The following PLSCR2 variants were observed in gnomAD, a reference collection of about 807,000 sequenced individuals.
PLSCR2 encodes the protein PL scramblase 2.
PLSCR2 carries 18 observed loss-of-function variants against 25.3 expected under a neutral mutation model. The observed-to-expected ratio is 0.71, with a 90% CI of 0.49 to 1.06. The LOEUF (loss-of-function observed/expected upper bound fraction) is 1.06, where lower values mean the gene tolerates loss of function less well. PLSCR2 is among the 50% of genes least tolerant of loss of function. The pLI is 0.00. For synonymous variants in PLSCR2, 88 were observed against 87.3 expected (o/e 1.01, Z -0.04); for missense variants, 243 against 269.5 (o/e 0.90, Z 0.69).
chr3:146,484,271 C>T (rs775532897), intron 1 of PLSCR2, among the ~76,000 whole-genome samples: 85 of 150,106 alleles, frequency 5.7e-4, no homozygotes, highest in African/African-American at 1.8e-3. Flanking sequence ...ACAAAACCTC[C>T]GACAACTATG....
downstream of PLSCR2, among the ~76,000 whole-genome samples, chr3:146,438,971 T>C (rs977082989): frequency 7.9e-5 from 12 of 152,350 alleles, no homozygotes; most frequent in African/African-American, 2.9e-4. Flanking sequence ...GCAGGCCTGG[T>C]GGTGACAAAA....
At chr3:146,418,369 A>C (rs777908607) in intron 2 of PLSCR2, among the ~76,000 whole-genome samples, 6 of 152,192 alleles carry the variant, frequency 3.9e-5, no homozygotes, top group Non-Finnish European at 8.8e-5. Flanking sequence ...AAATCTCACC[A>C]TGTAAATCTT....
Position 146,470,397 on chromosome 3 carries a change from G to A in PLSCR2, c.-292-10113C>T, listed in dbSNP as rs538392638. Among the ~76,000 whole-genome samples the A allele has an allele frequency of 4.6e-5, 7 of 152,036 alleles. No individual in the cohort carries two copies. In the South Asian group the frequency reaches 1.5e-3, roughly 32 times the overall value. On this transcript the variant is annotated intron_variant, in intron 1 of 8. Transcript: ENST00000336685. ...CCGTCTCTACTAAAAATACAAAAAT[G>A]AGCCAGGTGTGGTGGTGTGCCCCTG...
At chr3:146,480,230 T>C (rs2043081048) in intron 1 of PLSCR2, among the ~76,000 whole-genome samples, 1 of 151,670 alleles carries the variant, frequency 6.6e-6, no homozygotes, top group East Asian at 1.9e-4. Context: ...AAGAAATAAC[T>C]AAGATCAGAG....
At chr3:146,407,043 C>T (rs1057071046) in intron 2 of PLSCR2, among the ~76,000 whole-genome samples, 1 of 152,274 alleles carries the variant, frequency 6.6e-6, no homozygotes, top group South Asian at 2.1e-4. Flanking sequence ...AAGGTGACAA[C>T]CTAGCTTAGT....
intron 5 of PLSCR2, among the ~76,000 whole-genome samples, chr3:146,452,449 A>C (rs1393060054): frequency 6.6e-6 from 1 of 152,190 alleles, no homozygotes; most frequent in African/African-American, 2.4e-5. Flanking sequence ...CATCAAAAGA[A>C]TATATTAAAA....
At chr3:146,443,770 T>C (rs987967736) in intron 6 of PLSCR2, among the ~76,000 whole-genome samples, 1 of 152,018 alleles carries the variant, frequency 6.6e-6, no homozygotes, top group Non-Finnish European at 1.5e-5. Flanking sequence ...ATTTTTGCTC[T>C]GAACTTTATT....
At chr3:146,409,951 G>A (rs148711680) in intron 2 of PLSCR2, among the ~76,000 whole-genome samples, 20 of 152,196 alleles carry the variant, frequency 1.3e-4, no homozygotes, top group African/African-American at 4.8e-4. Flanking sequence ...TAAGATTGAG[G>A]GAGGAGGACT....
intron 6 of PLSCR2, among the ~76,000 whole-genome samples, chr3:146,444,567 T>C (rs952332541): frequency 1.3e-5 from 2 of 152,172 alleles, no homozygotes; most frequent in East Asian, 1.9e-4. Flanking sequence ...TATTGTCTAG[T>C]GTAAGTATAG....
At chr3:146,493,114 T>C (rs2043610352) in intron 1 of PLSCR2, among the ~76,000 whole-genome samples, 1 of 151,748 alleles carries the variant, frequency 6.6e-6, no homozygotes, top group African/African-American at 2.4e-5. Context: ...CAGGAAGAAA[T>C]TGAAATCCTG....
At chr3:146,488,758 G>T (rs1431339973) in intron 1 of PLSCR2, among the ~76,000 whole-genome samples, 1 of 152,118 alleles carries the variant, frequency 6.6e-6, no homozygotes, top group African/African-American at 2.4e-5. Context: ...AGACAGTGTG[G>T]TGACTCCTCA....
At chr3:146,423,909 A>G (rs2039246425) in intron 2 of PLSCR2, among the ~76,000 whole-genome samples, 1 of 152,082 alleles carries the variant, frequency 6.6e-6, no homozygotes. Flanking sequence ...CTTGATGTTA[A>G]CCCAATGTAT....
chr3:146,453,917 C>G, intron 5 of PLSCR2, 85 bp downstream of exon 5: 1 of 1,106,296 alleles, frequency 9.0e-7, no homozygotes, highest in Non-Finnish European at 1.3e-6. Context: ...GTACACAATA[C>G]TAATTTAAGG....
At chr3:146,418,422 T>A (rs945393469) in intron 2 of PLSCR2, among the ~76,000 whole-genome samples, 2 of 152,160 alleles carry the variant, frequency 1.3e-5, no homozygotes, top group Admixed American at 6.6e-5. Flanking sequence ...TGGGTAAAAA[T>A]TTCTCTTCAA....
intron 2 of PLSCR2, among the ~76,000 whole-genome samples, chr3:146,410,089 C>CTTT (rs34516266): frequency 0.011 from 1,583 of 147,940 alleles, 32 homozygotes; most frequent in African/African-American, 0.036. Flanking sequence ...TCAAATTCAG[C>CTTT]TTTTTTTTTT....
intron 6 of PLSCR2, among the ~76,000 whole-genome samples, chr3:146,442,480 C>T (rs2040306406): frequency 6.6e-6 from 1 of 151,962 alleles, no homozygotes; most frequent in Non-Finnish European, 1.5e-5. Flanking sequence ...TGTATGGAAT[C>T]ACAAAAGACC....
chr3:146,495,767 G>T (rs2043725247), intron 1 of PLSCR2: 2 of 649,130 alleles, frequency 3.1e-6, no homozygotes, highest in South Asian at 2.0e-5. Flanking sequence ...TACCTAGTAT[G>T]AGTTTAAGGT....
At chr3:146,426,384 T>C (rs2039355809) in intron 2 of PLSCR2, among the ~76,000 whole-genome samples, 1 of 152,046 alleles carries the variant, frequency 6.6e-6, no homozygotes, top group African/African-American at 2.4e-5. Context: ...GTGGTGATTA[T>C]TGCTTTCATT....
At chr3:146,444,734 A>G (rs1452058081) in intron 6 of PLSCR2, among the ~76,000 whole-genome samples, 1 of 151,634 alleles carries the variant, frequency 6.6e-6, no homozygotes, top group Non-Finnish European at 1.5e-5. Flanking sequence ...TTGATTAGAG[A>G]GTTTAGTCCA....
Sources: gnomAD v4.1 joint callset for allele counts (sites outside exome capture counted in the v4.1 genomes callset) on GRCh38, gnomAD v4.1.1 for gene constraint, MANE v1.5 for transcripts, NCBI Gene and HGNC (gene_info 2026-07-23, HGNC 2026-07-21) for gene names.